TNFSF11: variants seen among roughly 807,000 people sequenced by gnomAD.
TNFSF11 encodes TNF superfamily member 11.
TNFSF11 carries 12 observed loss-of-function variants against 32.2 expected under a neutral mutation model. That is an observed-to-expected ratio of 0.37 (90% confidence interval 0.24 to 0.60). The LOEUF (loss-of-function observed/expected upper bound fraction) is 0.60, where lower values mean the gene tolerates loss of function less well. TNFSF11 is among the 20% of genes least tolerant of loss of function. The probability of loss-of-function intolerance (pLI) is 0.66; values close to 1 mark genes in which losing one functional copy is unlikely to be tolerated. For missense variants in TNFSF11, 345 were observed against 398.0 expected (o/e 0.87, Z 1.13); for synonymous variants, 172 against 152.1 (o/e 1.13, Z -0.96).
intron 1 of TNFSF11, 113 bp from the exon 2 acceptor site, chr13:42,581,013 G>T: frequency 4.6e-6 from 5 of 1,081,594 alleles, no homozygotes; most frequent in Non-Finnish European, 7.1e-6. Context: ...TTCATTGTTG[G>T]GGACATAAAG....
intron 4 of TNFSF11, among the ~76,000 whole-genome samples, chr13:42,605,392 A>G (rs558049051): frequency 1.3e-5 from 2 of 152,352 alleles, no homozygotes; most frequent in South Asian, 4.1e-4. Flanking sequence ...GTATTTTTGT[A>G]CTTTCCACAG....
chr13:42,595,298 T>C (rs1868744213), intron 2 of TNFSF11, among the ~76,000 whole-genome samples: 1 of 152,248 alleles, frequency 6.6e-6, no homozygotes, highest in African/African-American at 2.4e-5. Flanking sequence ...CTATCATAAT[T>C]TACTTATCTA....
intron 2 of TNFSF11, among the ~76,000 whole-genome samples, chr13:42,598,591 G>A (rs748698441): frequency 5.3e-5 from 8 of 152,062 alleles, no homozygotes; most frequent in African/African-American, 1.9e-4. Flanking sequence ...CCACACTTCC[G>A]CAGCACTTGG....
chr13:42,574,191 C>T lies in TNFSF11; in HGVS notation c.-113C>T. 1.4e-6 allele frequency: 2 copies of T among 1,435,418 alleles called. No homozygotes were observed. The highest frequency in any genetic ancestry group is 2.0e-5 in the Admixed American group (1 of 50,492). The allele number at this position is 1,435,418 out of a possible 1,614,324, so 88.9% of individuals were successfully genotyped here. On this transcript the variant is annotated 5_prime_UTR_variant, in exon 1 of 5. Transcript: ENST00000398795. ...GCGCCCCAGGACCCAAAGCCGGGCTCCAAGTCGGCGCCCCACGTCGAGGCT... is the reference window on the plus strand; with the variant it reads ...GCGCCCCAGGACCCAAAGCCGGGCTTCAAGTCGGCGCCCCACGTCGAGGCT...
rs2137915512 is a variant in TNFSF11, at chr13:42,606,484, C to G, written c.533-13C>G. 2 of 1,614,226 alleles carry G rather than the reference C, an allele frequency of 1.2e-6. No individual in the cohort carries two copies. Among genetic ancestry groups the G allele is most frequent in the Non-Finnish European group, 1.7e-6 (2 of 1,180,038 alleles). On this transcript the variant is annotated splice_polypyrimidine_tract_variant and intron_variant, in intron 4 of 4. Coordinates refer to ENST00000398795, the MANE Select transcript of TNFSF11 (RefSeq NM_003701.4). ...GGACTGACTTTCAAATCTTATGCCT[C>G]TCTTCTCCACAGGTTCCCATAAAGT...
At position 42,574,390 on chromosome 13, in the gene TNFSF11, C is replaced by T. The variant is rs959918867; in HGVS notation, c.87C>T (p.Pro29=). 2.6e-6 allele frequency: 4 copies of T among 1,550,140 alleles called. No homozygotes were observed. The Middle Eastern group carries it at 9.1e-4, about 352-fold the overall frequency. Residue 29 remains proline, a synonymous_variant, in exon 1 of 5, where the codon CCC becomes CCT. Coordinates refer to ENST00000398795, the MANE Select transcript of TNFSF11 (RefSeq NM_003701.4). The part of the protein sequence containing the change: ...GGGPGAPHEG[P]LHAPPPPAPH... ...GCCCCGGAGCCCCGCACGAGGGCCC[C>T]CTGCACGCCCCGCCGCCGCCTGCGC...
rs1320614927 is a variant in TNFSF11 at position 42,574,481 on chromosome 13, G to A, written c.178G>A (p.Val60Ile). ...CCTCCTGGGGCTGGGGCTGGGCCAG[G>A]TTGTCTGCAGCGTCGCCCTGTTCTT... The part of the protein sequence containing the change: ...VALLGLGLGQ[V>I]VCSVALFFYF... Residue 60 changes from valine to isoleucine, a missense_variant, in exon 1 of 5, where the codon GTT becomes ATT. Val to Ile is a conservative substitution (Grantham distance 29). Transcript: ENST00000398795. 1.2e-6 allele frequency: 2 copies of A among 1,609,336 alleles called. No homozygotes were observed. The highest frequency in any genetic ancestry group is 8.5e-7 in the Non-Finnish European group (1 of 1,179,850).
At chr13:42,604,272 T>C (rs1395308833) in intron 4 of TNFSF11, among the ~76,000 whole-genome samples, 1 of 152,208 alleles carries the variant, frequency 6.6e-6, no homozygotes, top group African/African-American at 2.4e-5. Flanking sequence ...ATTAGAGGAA[T>C]TGCTTTTACT....
chr13:42,569,547 C>CAAAAA (rs71298952), upstream of TNFSF11, among the ~76,000 whole-genome samples: 7 of 134,198 alleles, frequency 5.2e-5, no homozygotes, highest in South Asian at 1.5e-3. Flanking sequence ...CACTCTGTCT[C>CAAAAA]AAAAAAAAAA....
At chr13:42,569,523 G>C (rs1872981061), upstream of TNFSF11, among the ~76,000 whole-genome samples, 1 of 148,788 alleles carries the variant, frequency 6.7e-6, no homozygotes, top group Non-Finnish European at 1.5e-5. Context: ...ACTCCAGCCT[G>C]GGCTACAGAG....
chr13:42,602,168 T>C (rs1869210848), intron 4 of TNFSF11, among the ~76,000 whole-genome samples: 1 of 152,184 alleles, frequency 6.6e-6, no homozygotes, highest in South Asian at 2.1e-4. Flanking sequence ...CCTGGCTCTG[T>C]GACCTTGTAC....
At chr13:42,572,670 C>T (rs1008136537), upstream of TNFSF11, among the ~76,000 whole-genome samples, 1 of 152,160 alleles carries the variant, frequency 6.6e-6, no homozygotes. Context: ...CATATAAATG[C>T]TAAAGGCATT....
intron 4 of TNFSF11, among the ~76,000 whole-genome samples, chr13:42,601,755 A>G (rs1239712000): frequency 2.0e-5 from 3 of 152,138 alleles, no homozygotes; most frequent in Non-Finnish European, 2.9e-5. Flanking sequence ...TCTACTGGAG[A>G]TGGCTGAGTC....
chr13:42,588,481 G>C (rs1300630959), intron 2 of TNFSF11, among the ~76,000 whole-genome samples: 1 of 152,198 alleles, frequency 6.6e-6, no homozygotes, highest in African/African-American at 2.4e-5. Context: ...TGTGGCCTGG[G>C]ATCTTGGGCT....
At chr13:42,581,341 C>T in intron 2 of TNFSF11, 48 bp downstream of exon 2, 1 of 1,603,618 alleles carries the variant, frequency 6.2e-7, no homozygotes, top group Non-Finnish European at 8.5e-7. Context: ...GCTGACTCTA[C>T]CAATACTGAA....
chr13:42,576,830 T>C (rs899057040), intron 1 of TNFSF11, among the ~76,000 whole-genome samples: 1 of 152,258 alleles, frequency 6.6e-6, no homozygotes, highest in Non-Finnish European at 1.5e-5. Context: ...TAATTTCTGG[T>C]TGCTTACAGA....
chr13:42,594,791 G>A (rs919763607), intron 2 of TNFSF11, among the ~76,000 whole-genome samples: 1 of 152,152 alleles, frequency 6.6e-6, no homozygotes, highest in African/African-American at 2.4e-5. Flanking sequence ...GCACAGCCAG[G>A]CTCCTGGGAA....
At chr13:42,563,111 A>G (rs765830574) in intron 1 of TNFSF11, 1 of 152,352 alleles carries the variant, frequency 6.6e-6, no homozygotes, top group East Asian at 1.9e-4. Flanking sequence ...CATTTTACCA[A>G]GCTCAGAGAG....
At chr13:42,564,448 TCCCACC>T (rs1872796509) in intron 1 of TNFSF11, among the ~76,000 whole-genome samples, 1 of 151,922 alleles carries the variant, frequency 6.6e-6, no homozygotes, top group Non-Finnish European at 1.5e-5. Context: ...ATGACTGCAA[TCCCACC>T]TACTTGGTAG....
Sources: allele counts gnomAD v4.1 joint callset (sites outside exome capture counted in the v4.1 genomes callset), GRCh38; gene constraint gnomAD v4.1.1; transcripts MANE v1.5; gene names NCBI Gene and HGNC (gene_info 2026-07-23, HGNC 2026-07-21).